The following DEPDC5 variants were observed in gnomAD, a reference collection of about 807,000 sequenced individuals.
The protein encoded by DEPDC5 is DEP domain containing 5, GATOR1 subcomplex subunit.
Under a neutral mutation model 217.3 loss-of-function variants are expected in DEPDC5, and 73 were observed. The observed-to-expected ratio is 0.34, with a 90% CI of 0.28 to 0.41. The LOEUF is 0.41. Ranked by LOEUF, DEPDC5 falls within the 10% of genes least tolerant of loss-of-function variation. DEPDC5 has a pLI of 1.00. For synonymous variants in DEPDC5, 733 were observed against 756.7 expected (o/e 0.97, Z 0.51); for missense variants, 1,675 against 2,070.1 (o/e 0.81, Z 3.70).
At chr22:31,855,931 TAAGAA>T (rs2092270572) in intron 31 of DEPDC5, among the ~76,000 whole-genome samples, 1 of 152,090 alleles carries the variant, frequency 6.6e-6, no homozygotes, top group Admixed American at 6.6e-5. Flanking sequence ...GAATTTAAGA[TAAGAA>T]AAGTGTTGCA....
chr22:31,789,598 A>G (rs2085401981), intron 10 of DEPDC5, among the ~76,000 whole-genome samples: 1 of 152,168 alleles, frequency 6.6e-6, no homozygotes, highest in South Asian at 2.1e-4. Flanking sequence ...CGATGGCAAT[A>G]TTTATATGTA....
At chr22:31,854,343 G>C (rs1459668423) in intron 31 of DEPDC5, among the ~76,000 whole-genome samples, 2 of 152,144 alleles carry the variant, frequency 1.3e-5, no homozygotes, top group African/African-American at 4.8e-5. Context: ...GTGGTCACTG[G>C]GGATGCAAGA....
rs142307858 is a variant in DEPDC5 at position 31,836,940 on chromosome 22, C to A, written c.2171-32C>A. 1,438 of 1,602,988 alleles carry A rather than the reference C, an allele frequency of 9.0e-4. No homozygotes were observed. The highest frequency in any genetic ancestry group is 1.1e-3 in the Admixed American group (63 of 59,366). On this transcript the variant is annotated intron_variant, in intron 25 of 42. Transcript: ENST00000651528. ...CATCCCACACTTGCCATGGTGACCA[C>A]ATGTACCTTTTCCCCCTGTTACGTG...
intron 12 of DEPDC5, among the ~76,000 whole-genome samples, chr22:31,797,274 C>T (rs772250705): frequency 1.3e-5 from 2 of 152,152 alleles, no homozygotes; most frequent in Non-Finnish European, 2.9e-5. Flanking sequence ...TTAATTGACT[C>T]ATGGTTCTGC....
In DEPDC5 at chr22:31,886,454, G is replaced by C. The variant is rs556523264; in HGVS notation, c.4033+6702G>C. 9.9e-5 allele frequency among the ~76,000 whole-genome samples: 15 copies of C among 152,162 alleles called. No individual in the cohort carries two copies. The South Asian group carries it at 1.5e-3, about 15-fold the overall frequency. Reference sequence around the variant, plus strand: ...CTCAGTTTAGCTTTGATAATTCTTAGTGCTTAAAGAAAAGCAGTGTATAGG... The same window carrying C: ...CTCAGTTTAGCTTTGATAATTCTTACTGCTTAAAGAAAAGCAGTGTATAGG... On this transcript the variant is annotated intron_variant, in intron 38 of 42. Coordinates refer to ENST00000651528, the MANE Select transcript of DEPDC5 (RefSeq NM_001242896.3).
chr22:31,886,328 T>A (rs567785408), intron 38 of DEPDC5, among the ~76,000 whole-genome samples: 2 of 152,274 alleles, frequency 1.3e-5, no homozygotes, highest in East Asian at 3.9e-4. Context: ...TCTTGACAGT[T>A]TCTATAGGAA....
In DEPDC5 at chr22:31,870,624, A is replaced by T. The variant is rs201874166; in HGVS notation, c.3365A>T (p.Asp1122Val). 6.3e-7 allele frequency: 1 copy of T among 1,582,230 alleles called. No homozygotes were observed. Among genetic ancestry groups the T allele is most frequent in the Non-Finnish European group, 8.6e-7 (1 of 1,167,282 alleles). ...SVDQTATPML[D>V]GTSLGICTGQ... Reference sequence around the variant, plus strand: ...GACCAAACAGCCACTCCTATGTTGGACGGCACCAGTTTGGGCATATGCACA... The same window carrying T: ...GACCAAACAGCCACTCCTATGTTGGTCGGCACCAGTTTGGGCATATGCACA... The change falls in exon 34 of 43, where the codon GAC becomes GTC. Residue 1122 changes from aspartate to valine, a missense_variant. Asp to Val is a radical substitution (Grantham distance 152, BLOSUM62 -3). Transcript: ENST00000651528.
intron 38 of DEPDC5, among the ~76,000 whole-genome samples, chr22:31,892,014 G>A (rs1426005598): frequency 1.3e-5 from 2 of 152,206 alleles, no homozygotes; most frequent in Admixed American, 6.5e-5. Context: ...TCAATGATAG[G>A]ACAGGGTGTT....
At position 31,845,079 on chromosome 22, in the gene DEPDC5, G is replaced by A. The variant is rs538998618; in HGVS notation, c.2863G>A (p.Ala955Thr). ...RFLLLPACVT[A>T]TKRITEGEAH... ...CCTGCTGCTGCCAGCCTGTGTCACC[G>A]CCACCAAGCGCATCACGGAGGGGGA... is the stretch of plus-strand genomic sequence containing the variant. Residue 955 changes from alanine (A) to threonine (T), a missense_variant, in exon 30 of 43, where the codon GCC becomes ACC. This residue lies in a region of DEPDC5 where 293 missense variants were observed against 386.1 expected (regional missense o/e 0.76). Coordinates refer to ENST00000651528, the MANE Select transcript of DEPDC5 (RefSeq NM_001242896.3). 1.4e-5 allele frequency: 23 copies of A among 1,614,094 alleles called. No individual in the cohort carries two copies. In the Admixed American group the frequency reaches 3.0e-4, roughly 21 times the overall value.
Position 31,775,729 on chromosome 22 carries a change from T to C in DEPDC5, c.414-2370T>C, listed in dbSNP as rs532562412. Reference sequence around the variant, plus strand: ...TGTCCTGAACAGTTTCCCCACATTATCTGGTTTAATTTGAAAACAGCTCTG... The same window carrying C: ...TGTCCTGAACAGTTTCCCCACATTACCTGGTTTAATTTGAAAACAGCTCTG... On this transcript the variant is annotated intron_variant, in intron 7 of 42. Transcript: ENST00000651528. 7.2e-5 allele frequency among the ~76,000 whole-genome samples: 11 copies of C among 152,186 alleles called. No homozygotes were observed. In the East Asian group the frequency reaches 2.1e-3, roughly 29 times the overall value.
intron 18 of DEPDC5, 109 bp downstream of exon 18, chr22:31,806,300 T>C (rs1470835150): frequency 1.4e-5 from 13 of 942,020 alleles, no homozygotes; most frequent in Non-Finnish European, 2.1e-5. Context: ...GTGTTGGGAT[T>C]ACAGACATGA....
intron 16 of DEPDC5, among the ~76,000 whole-genome samples, chr22:31,804,619 T>C (rs2087279145): frequency 6.6e-6 from 1 of 152,218 alleles, no homozygotes; most frequent in Non-Finnish European, 1.5e-5. Context: ...TTTGTATTTT[T>C]AGTAGAGACG....
chr22:31,890,764 T>G (rs532984951), intron 38 of DEPDC5, among the ~76,000 whole-genome samples: 11 of 151,764 alleles, frequency 7.2e-5, no homozygotes, highest in Non-Finnish European at 1.3e-4. Context: ...TCACTCTTGT[T>G]GCCCAGGCTA....
intron 38 of DEPDC5, among the ~76,000 whole-genome samples, chr22:31,892,785 A>G (rs900836826): frequency 6.6e-6 from 1 of 151,428 alleles, no homozygotes; most frequent in African/African-American, 2.4e-5. Flanking sequence ...TCCATTTTTT[A>G]CAAGGTACAA....
chr22:31,854,029 G>A (rs1376955511), intron 31 of DEPDC5, among the ~76,000 whole-genome samples: 1 of 152,192 alleles, frequency 6.6e-6, no homozygotes, highest in Non-Finnish European at 1.5e-5. Flanking sequence ...CACCCTTTAA[G>A]GCCCACCCGG....
chr22:31,797,534 G>A, intron 12 of DEPDC5, 66 bp from the exon 13 acceptor site: 1 of 1,307,284 alleles, frequency 7.6e-7, no homozygotes. Context: ...ATGAAATTTG[G>A]GAGGGGACAC....
intron 20 of DEPDC5, among the ~76,000 whole-genome samples, chr22:31,811,365 T>C (rs914836023): frequency 2.0e-5 from 3 of 152,042 alleles, no homozygotes; most frequent in African/African-American, 7.2e-5. Flanking sequence ...CCACCATGCC[T>C]GGCTGGTTCT....
chr22:31,759,677 T>A (rs1457801535), intron 3 of DEPDC5, among the ~76,000 whole-genome samples: 6 of 65,274 alleles, frequency 9.2e-5, no homozygotes, highest in African/African-American at 4.8e-4. Flanking sequence ...GCGCCCAGCC[T>A]TTTTTTTTTT....
intron 3 of DEPDC5, among the ~76,000 whole-genome samples, chr22:31,759,138 C>T (rs1403919541): frequency 2.6e-5 from 4 of 151,892 alleles, no homozygotes; most frequent in African/African-American, 4.8e-5. Context: ...CACCATGTTG[C>T]CCAGGCTGGT....
Sources: allele counts gnomAD v4.1 joint callset (sites outside exome capture counted in the v4.1 genomes callset), GRCh38; gene constraint gnomAD v4.1.1; regional missense constraint gnomAD v4.1.1; transcripts MANE v1.5; gene names NCBI Gene and HGNC (gene_info 2026-07-23, HGNC 2026-07-21).